Variants in ST6GALNAC3 observed in about 807,000 individuals in gnomAD.
ST6GALNAC3 encodes the protein ST6 N-acetylgalactosaminide alpha-2,6-sialyltransferase 3, also known as alpha-N-acetylgalactosaminide alpha-2,6-sialyltransferase 3.
In ST6GALNAC3, 25 loss-of-function variants were observed where a neutral mutation model predicts 32.7. The observed-to-expected ratio is 0.76, with a 90% CI of 0.56 to 1.07. ST6GALNAC3 has a LOEUF of 1.07. Among genes scored for constraint, ST6GALNAC3 ranks in the 50% least tolerant of loss-of-function variants. The pLI is 0.00. For synonymous variants in ST6GALNAC3, 129 were observed against 133.1 expected (o/e 0.97, Z 0.21); for missense variants, 355 against 382.4 (o/e 0.93, Z 0.60).
chr1:76,361,698 C>G (rs12753434), intron 2 of ST6GALNAC3, among the ~76,000 whole-genome samples: 7,876 of 152,140 alleles, frequency 0.052, 308 homozygotes, highest in African/African-American at 0.11. Context: ...ATACCTGAGG[C>G]CCAGGCATGG....
chr1:76,330,682 T>C (rs901307381), intron 2 of ST6GALNAC3, among the ~76,000 whole-genome samples: 1 of 152,222 alleles, frequency 6.6e-6, no homozygotes, highest in Non-Finnish European at 1.5e-5. Flanking sequence ...ATGTAATAGA[T>C]ACTATTATTA....
chr1:76,400,800 C>G (rs1389817622), intron 2 of ST6GALNAC3, among the ~76,000 whole-genome samples: 1 of 151,628 alleles, frequency 6.6e-6, no homozygotes, highest in Non-Finnish European at 1.5e-5. Flanking sequence ...GAGGCTGAGG[C>G]AGGAGAACTG....
In ST6GALNAC3 at chr1:76,611,450, G is replaced by T. The variant is rs766603798; in HGVS notation, c.624-16002G>T. 2.8e-4 allele frequency among the ~76,000 whole-genome samples: 43 copies of T among 152,060 alleles called. 1 individual carries two copies. The highest frequency in any genetic ancestry group is 5.2e-4 in the Admixed American group (8 of 15,260). Reference sequence around the variant, plus strand: ...ATTACATGTCTCTGAGTTATTCTCTGTAATGTGATGAATGCCAAAAACAAG... The same window carrying T: ...ATTACATGTCTCTGAGTTATTCTCTTTAATGTGATGAATGCCAAAAACAAG... On this transcript the variant is annotated intron_variant, in intron 3 of 4. Transcript: ENST00000328299.
At chr1:76,581,415 A>G (rs1487395854) in intron 3 of ST6GALNAC3, among the ~76,000 whole-genome samples, 1 of 152,146 alleles carries the variant, frequency 6.6e-6, no homozygotes, top group Non-Finnish European at 1.5e-5. Flanking sequence ...AAAATTATCT[A>G]TTCACCAGAC....
rs967112087 is a variant in ST6GALNAC3 at position 76,345,313 on chromosome 1, G to T, written c.213+31314G>T. ...TCATAGAAAGCAGAACAATGGAATAGTAAGGAAGAAAAGAGAAATCAAGGC... is the reference window on the plus strand; with the variant it reads ...TCATAGAAAGCAGAACAATGGAATATTAAGGAAGAAAAGAGAAATCAAGGC... On this transcript the variant is annotated intron_variant, in intron 2 of 4. Transcript: ENST00000328299. Among the ~76,000 whole-genome samples the T allele has an allele frequency of 2.0e-5, 3 of 152,218 alleles. No homozygotes were observed. The South Asian group carries it at 6.2e-4, about 32-fold the overall frequency.
chr1:76,546,608 G>A (rs548747203), intron 3 of ST6GALNAC3, among the ~76,000 whole-genome samples: 45 of 152,324 alleles, frequency 3.0e-4, no homozygotes, highest in African/African-American at 1.1e-3. Context: ...AAAAAGGCAA[G>A]GCAGTGAATA....
chr1:76,367,840 A>G (rs528325545), intron 2 of ST6GALNAC3, among the ~76,000 whole-genome samples: 7 of 152,290 alleles, frequency 4.6e-5, no homozygotes, highest in Non-Finnish European at 1.0e-4. Context: ...AGTACCTTGG[A>G]TAAAAAAATG....
At chr1:76,128,447 T>G (rs866747382) in intron 1 of ST6GALNAC3, among the ~76,000 whole-genome samples, 8 of 152,066 alleles carry the variant, frequency 5.3e-5, no homozygotes, top group Non-Finnish European at 1.5e-5. Flanking sequence ...CTTCTCCCAG[T>G]GAGGAAGAAG....
At chr1:76,279,894 G>T (rs554477849) in intron 1 of ST6GALNAC3, among the ~76,000 whole-genome samples, 2 of 152,170 alleles carry the variant, frequency 1.3e-5, no homozygotes, top group Non-Finnish European at 2.9e-5. Flanking sequence ...TAGGTTACTC[G>T]ACTGGAGGAG....
intron 1 of ST6GALNAC3, among the ~76,000 whole-genome samples, chr1:76,285,733 C>A (rs1431321792): frequency 6.6e-6 from 1 of 152,014 alleles, no homozygotes; most frequent in East Asian, 1.9e-4. Context: ...CACAGAATGA[C>A]AACCTCCTGA....
intron 3 of ST6GALNAC3, among the ~76,000 whole-genome samples, chr1:76,520,973 A>T (rs1325005713): frequency 6.7e-6 from 1 of 149,210 alleles, no homozygotes; most frequent in Admixed American, 6.7e-5. Context: ...AGCCTACCTG[A>T]TCTTTTTTAA....
intron 1 of ST6GALNAC3, among the ~76,000 whole-genome samples, chr1:76,130,337 T>G (rs1424936677): frequency 2.0e-5 from 3 of 152,194 alleles, no homozygotes; most frequent in Non-Finnish European, 4.4e-5. Context: ...CACATGAAAT[T>G]CAGCCCCGTG....
At chr1:76,592,653 C>G (rs1010823597) in intron 3 of ST6GALNAC3, among the ~76,000 whole-genome samples, 13 of 152,118 alleles carry the variant, frequency 8.5e-5, no homozygotes, top group African/African-American at 3.1e-4. Context: ...CCTCAGACTT[C>G]CTGGTCACTC....
At chr1:76,085,621 G>A (rs985299210) in intron 1 of ST6GALNAC3, among the ~76,000 whole-genome samples, 5 of 152,140 alleles carry the variant, frequency 3.3e-5, no homozygotes, top group African/African-American at 4.8e-5. Context: ...TGGAAGGGAC[G>A]GTTGTACTAG....
At chr1:76,394,474 A>C (rs1389047736) in intron 2 of ST6GALNAC3, among the ~76,000 whole-genome samples, 1 of 152,214 alleles carries the variant, frequency 6.6e-6, no homozygotes, top group Non-Finnish European at 1.5e-5. Context: ...AATTTGGCTT[A>C]TGCAAAATTA....
Position 76,429,177 on chromosome 1 carries a change from G to A in ST6GALNAC3, c.623+16760G>A, listed in dbSNP as rs1655587967. Among the ~76,000 whole-genome samples, 3 of 152,052 alleles carry A rather than the reference G, an allele frequency of 2.0e-5. No homozygotes were observed. The South Asian group carries it at 6.2e-4, about 31-fold the overall frequency. ...TTTTTAACAATAGAATTGTTATACT[G>A]AATTCTCAAGTTAGAGGTTTGATTG... On this transcript the variant is annotated intron_variant, in intron 3 of 4. Transcript: ENST00000328299.
At chr1:76,183,192 T>C (rs1653300393) in intron 1 of ST6GALNAC3, among the ~76,000 whole-genome samples, 1 of 152,214 alleles carries the variant, frequency 6.6e-6, no homozygotes, top group Non-Finnish European at 1.5e-5. Flanking sequence ...ACTTTAGCTC[T>C]GCTCTTTGTA....
chr1:76,576,103 A>G (rs926855239), intron 3 of ST6GALNAC3, among the ~76,000 whole-genome samples: 6 of 152,072 alleles, frequency 3.9e-5, no homozygotes, highest in Non-Finnish European at 7.4e-5. Flanking sequence ...TGGCCAGTGC[A>G]GTCAGGGCCA....
intron 3 of ST6GALNAC3, among the ~76,000 whole-genome samples, chr1:76,595,696 C>G (rs1647125256): frequency 6.6e-6 from 1 of 152,042 alleles, no homozygotes; most frequent in South Asian, 2.1e-4. Context: ...CACGCACACA[C>G]ACACACACAC....
Sources: gnomAD v4.1 joint callset for allele counts (sites outside exome capture counted in the v4.1 genomes callset) on GRCh38, gnomAD v4.1.1 for gene constraint, MANE v1.5 for transcripts, NCBI Gene and HGNC (gene_info 2026-07-23, HGNC 2026-07-21) for gene names.